The following TAFA2 variants were observed in gnomAD, a reference collection of about 807,000 sequenced individuals.
TAFA2 encodes the protein chemokine-like protein TAFA-2.
Under a neutral mutation model 18.8 loss-of-function variants are expected in TAFA2, and 7 were observed. The ratio of observed to expected loss-of-function variants is 0.37; its 90% confidence interval spans 0.21 to 0.70. TAFA2 has a LOEUF of 0.70. Among genes scored for constraint, TAFA2 ranks in the 30% least tolerant of loss-of-function variants. The pLI is 0.53. For missense variants in TAFA2, 122 were observed against 158.1 expected (o/e 0.77, Z 1.23); for synonymous variants, 60 against 54.2 (o/e 1.11, Z -0.47).
chr12:61,843,080 G>T (rs1180227724), intron 2 of TAFA2, among the ~76,000 whole-genome samples: 5 of 151,918 alleles, frequency 3.3e-5, no homozygotes, highest in African/African-American at 4.8e-5. Context: ...AGCTACCTTG[G>T]GTCTCAGAAA....
chr12:61,803,848 C>A (rs1376331767), intron 2 of TAFA2, among the ~76,000 whole-genome samples: 1 of 151,878 alleles, frequency 6.6e-6, no homozygotes, highest in Non-Finnish European at 1.5e-5. Context: ...TGTAACTAAC[C>A]TGCACGTTGT....
intron 3 of TAFA2, 73 bp from the exon 4 acceptor site, chr12:61,753,819 G>A (rs1191187491): frequency 1.5e-6 from 2 of 1,364,374 alleles, no homozygotes; most frequent in East Asian, 2.5e-5. Flanking sequence ...CTTTAAAGAG[G>A]AACAAAAGCC....
chr12:62,215,900 T>G (rs768038475), intron 1 of TAFA2, among the ~76,000 whole-genome samples: 9 of 152,080 alleles, frequency 5.9e-5, no homozygotes, highest in Non-Finnish European at 1.2e-4. Flanking sequence ...AAATGAAATT[T>G]TATAAGAATT....
intron 1 of TAFA2, among the ~76,000 whole-genome samples, chr12:62,228,256 C>T (rs1273350063): frequency 6.6e-6 from 1 of 152,080 alleles, no homozygotes; most frequent in Admixed American, 6.6e-5. Flanking sequence ...GAATGTTTAG[C>T]TCCCACTTAT....
intron 1 of TAFA2, among the ~76,000 whole-genome samples, chr12:61,978,535 T>C (rs1879517175): frequency 6.6e-6 from 1 of 151,986 alleles, no homozygotes; most frequent in Non-Finnish European, 1.5e-5. Context: ...CCACGGGGGA[T>C]GCAGAAGAAC....
intron 2 of TAFA2, among the ~76,000 whole-genome samples, chr12:61,851,145 C>T (rs904518128): frequency 2.6e-5 from 4 of 151,956 alleles, no homozygotes; most frequent in Non-Finnish European, 4.4e-5. Flanking sequence ...TAAACATTAA[C>T]AAATAATTAT....
intron 1 of TAFA2, among the ~76,000 whole-genome samples, chr12:61,926,256 AC>A (rs2121380506): frequency 6.6e-6 from 1 of 152,350 alleles, no homozygotes; most frequent in Non-Finnish European, 1.5e-5. Flanking sequence ...GCCAAATTCT[AC>A]CAGAGGTACA....
intron 1 of TAFA2, among the ~76,000 whole-genome samples, chr12:62,119,563 C>T (rs1166501219): frequency 2.0e-5 from 3 of 152,138 alleles, no homozygotes; most frequent in African/African-American, 4.8e-5. Flanking sequence ...TTTTGCATTC[C>T]TACTATGACA....
intron 1 of TAFA2, among the ~76,000 whole-genome samples, chr12:62,123,934 G>A (rs1870337589): frequency 6.6e-6 from 1 of 152,068 alleles, no homozygotes; most frequent in South Asian, 2.1e-4. Context: ...GAGTTAGGAG[G>A]TTACAGAACT....
chr12:61,874,105 C>T (rs1037088784), intron 1 of TAFA2, among the ~76,000 whole-genome samples: 1 of 152,124 alleles, frequency 6.6e-6, no homozygotes, highest in Non-Finnish European at 1.5e-5. Context: ...TTTTAAGCCA[C>T]ATTCACTAGG....
intron 1 of TAFA2, among the ~76,000 whole-genome samples, chr12:62,136,970 G>C (rs1466681845): frequency 6.6e-6 from 1 of 152,050 alleles, no homozygotes; most frequent in Non-Finnish European, 1.5e-5. Flanking sequence ...TCTGTCCTTA[G>C]AACTTTCCTC....
At chr12:61,727,189 C>CT (rs1201082329) in intron 4 of TAFA2, among the ~76,000 whole-genome samples, 1 of 151,652 alleles carries the variant, frequency 6.6e-6, no homozygotes, top group Non-Finnish European at 1.5e-5. Flanking sequence ...CTGTAGTTTT[C>CT]TTTTTTTATG....
intron 1 of TAFA2, among the ~76,000 whole-genome samples, chr12:62,017,281 A>G (rs1278973779): frequency 6.6e-6 from 1 of 152,210 alleles, no homozygotes; most frequent in African/African-American, 2.4e-5. Context: ...GAATACTGAT[A>G]CCACTATTTA....
chr12:61,766,773 A>C (rs1404318489), intron 2 of TAFA2, among the ~76,000 whole-genome samples: 1 of 152,130 alleles, frequency 6.6e-6, no homozygotes, highest in Non-Finnish European at 1.5e-5. Flanking sequence ...AAAAACAGTA[A>C]ATTTAACATT....
At chr12:61,813,831 A>G (rs1871970457) in intron 2 of TAFA2, among the ~76,000 whole-genome samples, 1 of 151,536 alleles carries the variant, frequency 6.6e-6, no homozygotes, top group Non-Finnish European at 1.5e-5. Context: ...AATGCAGGTA[A>G]GAAATGTACC....
chr12:62,228,296 C>T (rs923487051), intron 1 of TAFA2, among the ~76,000 whole-genome samples: 16 of 152,018 alleles, frequency 1.1e-4, no homozygotes, highest in African/African-American at 3.9e-4. Flanking sequence ...TTGGCTTTGG[C>T]TTGGGTTGAT....
chr12:62,180,272 T>A (rs1216216598), intron 1 of TAFA2, among the ~76,000 whole-genome samples: 1 of 152,196 alleles, frequency 6.6e-6, no homozygotes, highest in Non-Finnish European at 1.5e-5. Flanking sequence ...ACCGTAGCCA[T>A]AGCTCAAAAA....
chr12:62,169,589 C>T (rs913033363), intron 1 of TAFA2, among the ~76,000 whole-genome samples: 4 of 152,134 alleles, frequency 2.6e-5, no homozygotes, highest in African/African-American at 7.2e-5. Context: ...CAGTGGCTCA[C>T]GCCTGTAATC....
chr12:61,987,287 G>A lies in TAFA2; in HGVS notation c.-1-119861C>T, dbSNP rs553702662. 1.1e-4 allele frequency among the ~76,000 whole-genome samples: 17 copies of A among 152,292 alleles called. No individual in the cohort carries two copies. In the South Asian group the frequency reaches 2.9e-3, roughly 26 times the overall value. On this transcript the variant is annotated intron_variant, in intron 1 of 4. Transcript: ENST00000416284. Reference sequence around the variant, plus strand: ...CTGAATTAAAAAAGCAATAAAGGGTGAACAAAAGTATCTCTGGTTTCTGTT... The same window carrying A: ...CTGAATTAAAAAAGCAATAAAGGGTAAACAAAAGTATCTCTGGTTTCTGTT...
Sources: allele counts gnomAD v4.1 joint callset (sites outside exome capture counted in the v4.1 genomes callset), GRCh38; gene constraint gnomAD v4.1.1; transcripts MANE v1.5; gene names NCBI Gene and HGNC (gene_info 2026-07-23, HGNC 2026-07-21).